The following EVA1C variants were observed in gnomAD, a reference collection of about 807,000 sequenced individuals.
EVA1C encodes the protein protein eva-1 homolog C.
EVA1C carries 25 observed loss-of-function variants against 45.4 expected under a neutral mutation model. The observed-to-expected ratio is 0.55, with a 90% CI of 0.40 to 0.77. EVA1C has a LOEUF of 0.77. Among genes scored for constraint, EVA1C ranks in the 30% least tolerant of loss-of-function variants. The pLI, the probability that EVA1C is intolerant of heterozygous loss-of-function variation, is 0.00. For synonymous variants in EVA1C, 190 were observed against 221.2 expected (o/e 0.86, Z 1.25); for missense variants, 479 against 554.8 (o/e 0.86, Z 1.37).
chr21:32,431,909 C>A (rs920087009), intron 1 of EVA1C, among the ~76,000 whole-genome samples: 2 of 152,164 alleles, frequency 1.3e-5, no homozygotes, highest in African/African-American at 4.8e-5. Context: ...AATGTATGGA[C>A]CTCATTCAGA....
chr21:32,468,785 C>T (rs886304793), intron 4 of EVA1C, among the ~76,000 whole-genome samples: 1 of 152,216 alleles, frequency 6.6e-6, no homozygotes, highest in Non-Finnish European at 1.5e-5. Context: ...TCCCAGCCCA[C>T]TGACTCAAAC....
At chr21:32,432,752 G>T (rs1031216859) in intron 1 of EVA1C, among the ~76,000 whole-genome samples, 16 of 152,266 alleles carry the variant, frequency 1.1e-4, no homozygotes, top group South Asian at 8.3e-4. Context: ...ACAGGGTCTT[G>T]CTCTGTTGCC....
chr21:32,474,684 G>A lies in EVA1C; in HGVS notation c.634+6836G>A, dbSNP rs2036493623. Among the ~76,000 whole-genome samples, 1 of 152,218 alleles carries A rather than the reference G, an allele frequency of 6.6e-6. No homozygotes were observed. The highest frequency in any genetic ancestry group is 2.4e-5 in the African/African-American group (1 of 41,454). ...CCAGGCATAGAGTGGGTGCTCACGTGAATCTTGAGGCACAGGAATGAATCA... is the reference window on the plus strand; with the variant it reads ...CCAGGCATAGAGTGGGTGCTCACGTAAATCTTGAGGCACAGGAATGAATCA... On this transcript the variant is annotated intron_variant, in intron 4 of 7. Transcript: ENST00000300255. The surrounding 1 kb of genome is among the most constrained non-coding windows in gnomAD (Gnocchi z 4.4).
chr21:32,508,144 T>TA (rs1419116758), intron 7 of EVA1C, among the ~76,000 whole-genome samples: 10 of 152,228 alleles, frequency 6.6e-5, no homozygotes, highest in South Asian at 2.1e-4. Context: ...CAAGGGGACT[T>TA]ACGTATTTAG....
intron 7 of EVA1C, among the ~76,000 whole-genome samples, chr21:32,508,184 T>C (rs2037837019): frequency 6.6e-6 from 1 of 152,238 alleles, no homozygotes; most frequent in Admixed American, 6.5e-5. Context: ...TGACCTCTCC[T>C]ATTCCACATA....
intron 4 of EVA1C, among the ~76,000 whole-genome samples, chr21:32,492,622 T>C (rs2037201513): frequency 6.6e-6 from 1 of 152,132 alleles, no homozygotes; most frequent in African/African-American, 2.4e-5. Context: ...TTGGCCTCTC[T>C]GGGCATGAAC....
intron 1 of EVA1C, among the ~76,000 whole-genome samples, chr21:32,424,932 C>G (rs1487376819): frequency 2.6e-5 from 4 of 152,130 alleles, no homozygotes; most frequent in Non-Finnish European, 4.4e-5. Context: ...TTGTGACTCA[C>G]TGCAGCCTCA....
At chr21:32,502,034 TTCTTTCTTTC>T (rs1306654496) in intron 6 of EVA1C, among the ~76,000 whole-genome samples, 1 of 116,476 alleles carries the variant, frequency 8.6e-6, no homozygotes, top group Non-Finnish European at 1.9e-5. Flanking sequence ...CTTTCTTTCT[TTCTTTCTTTC>T]TTTCTTTCTT....
chr21:32,456,021 T>C (rs2035768723), intron 2 of EVA1C, among the ~76,000 whole-genome samples: 1 of 152,064 alleles, frequency 6.6e-6, no homozygotes, highest in Non-Finnish European at 1.5e-5. Context: ...GCCTCCCGAG[T>C]AGCTGGGATC....
chr21:32,508,033 G>A (rs1023642883), intron 7 of EVA1C, among the ~76,000 whole-genome samples: 1 of 152,136 alleles, frequency 6.6e-6, no homozygotes, highest in Non-Finnish European at 1.5e-5. Flanking sequence ...GCATGCACAT[G>A]TGCGTGTGTA....
Position 32,449,527 on chromosome 21 carries a change from G to A in EVA1C, c.161-3785G>A, listed in dbSNP as rs1282640126. ...GAATATGCATTTAAGGTTTCTCCAT[G>A]TCTTTTTGTGGTTTGATAGCTCATT... On this transcript the variant is annotated intron_variant, in intron 1 of 7. Coordinates refer to ENST00000300255, the MANE Select transcript of EVA1C (RefSeq NM_058187.5). Among the ~76,000 whole-genome samples, 9 of 152,124 alleles carry A rather than the reference G, an allele frequency of 5.9e-5. No individual in the cohort carries two copies. In the East Asian group the frequency reaches 1.5e-3, roughly 26 times the overall value.
chr21:32,420,831 G>A (rs192326747), intron 1 of EVA1C, among the ~76,000 whole-genome samples: 7 of 152,250 alleles, frequency 4.6e-5, no homozygotes, highest in Non-Finnish European at 1.0e-4. Flanking sequence ...CTGAGGCAAA[G>A]AGCAATTTAG....
At position 32,467,813 on chromosome 21, in the gene EVA1C, T is replaced by C; in HGVS notation, c.599T>C (p.Ile200Thr). ...GGCAGGAGGACCCAGGAAAGGGACA[T>C]CTGCTCCTCCAAGGCAGAGCGGCTC... ...TYGRRTQERD[I>T]CSSKAERLPP... Residue 200 changes from isoleucine (I) to threonine (T), a missense_variant, in exon 4 of 8, where the codon ATC becomes ACC. By Grantham distance (89) the Ile-to-Thr change is moderately conservative. Coordinates refer to ENST00000300255, the MANE Select transcript of EVA1C (RefSeq NM_058187.5). 1.9e-6 allele frequency: 3 copies of C among 1,612,922 alleles called. No homozygotes were observed. Among genetic ancestry groups the C allele is most frequent in the Non-Finnish European group, 2.5e-6 (3 of 1,179,482 alleles).
chr21:32,448,922 AAGAAAGAAAG>A (rs2035464769), intron 1 of EVA1C, among the ~76,000 whole-genome samples: 1 of 151,228 alleles, frequency 6.6e-6, no homozygotes, highest in South Asian at 2.1e-4. Flanking sequence ...AAAAGAGAGA[AAGAAAGAAAG>A]AGAGAGAAAG....
chr21:32,500,190 A>ATTTTTTTT (rs538897939), intron 5 of EVA1C, among the ~76,000 whole-genome samples: 13 of 91,088 alleles, frequency 1.4e-4, no homozygotes, highest in East Asian at 4.1e-4. Flanking sequence ...TAACCACCCT[A>ATTTTTTTT]TTTTTTTTTT....
chr21:32,465,210 A>C (rs529489370), intron 3 of EVA1C, among the ~76,000 whole-genome samples: 1 of 152,222 alleles, frequency 6.6e-6, no homozygotes, highest in South Asian at 2.1e-4. Flanking sequence ...ATGAACCTCA[A>C]ATCACAATTT....
chr21:32,489,741 C>T (rs1471214321), intron 4 of EVA1C, among the ~76,000 whole-genome samples: 2 of 152,152 alleles, frequency 1.3e-5, no homozygotes, highest in Non-Finnish European at 2.9e-5. Context: ...CATGGGATAC[C>T]TTTTCATTTA....
intron 1 of EVA1C, among the ~76,000 whole-genome samples, chr21:32,429,691 G>A (rs549730184): frequency 2.6e-5 from 4 of 152,164 alleles, no homozygotes; most frequent in East Asian, 3.9e-4. Flanking sequence ...AGGGAAATAA[G>A]CCACAAAAGG....
chr21:32,429,148 C>G (rs1333722455), intron 1 of EVA1C, among the ~76,000 whole-genome samples: 1 of 151,646 alleles, frequency 6.6e-6, no homozygotes, highest in African/African-American at 2.4e-5. Context: ...ACTTAACCTT[C>G]ACTTAACCCA....
Sources: allele counts gnomAD v4.1 joint callset (sites outside exome capture counted in the v4.1 genomes callset), GRCh38; gene constraint gnomAD v4.1.1; non-coding constraint Gnocchi (gnomAD v3.1); transcripts MANE v1.5; gene names NCBI Gene and HGNC (gene_info 2026-07-23, HGNC 2026-07-21).